The following KRT71 variants were observed in gnomAD, a reference collection of about 807,000 sequenced individuals.
The protein encoded by KRT71 is keratin, type II cytoskeletal 71.
KRT71 carries 42 observed loss-of-function variants against 46.2 expected under a neutral mutation model. The observed-to-expected ratio is 0.91, with a 90% CI of 0.71 to 1.18. KRT71 has a LOEUF of 1.18. Ranked by LOEUF, KRT71 falls within the 50% of genes most tolerant of loss-of-function variation. The pLI is 0.00. For synonymous variants in KRT71, 292 were observed against 277.8 expected (o/e 1.05, Z -0.51); for missense variants, 708 against 677.9 (o/e 1.04, Z -0.49).
chr12:52,546,134 T>C (rs1165729554), intron 7 of KRT71, 152 bp downstream of exon 7: 15 of 816,322 alleles, frequency 1.8e-5, no homozygotes, highest in Admixed American at 1.1e-4. Flanking sequence ...TGTCCACTCA[T>C]GGTAGTATTG....
In KRT71 at chr12:52,550,035, T is replaced by C. The variant is rs144642438; in HGVS notation, c.650A>G (p.Lys217Arg). Reference sequence around the variant, plus strand: ...GGGGACTCCTCCTGCTCACCTCTTCTTGTAGTCCTCCACTACGTCCCGCAC... The same window carrying C: ...GGGGACTCCTCCTGCTCACCTCTTCCTGTAGTCCTCCACTACGTCCCGCAC... ...RNVRDVVEDY[K>R]KRYEEEINKR... Residue 217 changes from lysine to arginine, a missense_variant, in exon 2 of 9, where the codon AAG becomes AGG. Coordinates refer to ENST00000267119, the MANE Select transcript of KRT71 (RefSeq NM_033448.3). 187 of 1,614,110 alleles carry C rather than the reference T, an allele frequency of 1.2e-4. No homozygotes were observed. The highest frequency in any genetic ancestry group is 1.5e-4 in the Non-Finnish European group (175 of 1,179,966).
Position 52,552,623 on chromosome 12 carries a change from C to T in KRT71, c.441+14G>A. 6.2e-7 allele frequency: 1 copy of T among 1,601,726 alleles called. No homozygotes were observed. The highest frequency in any genetic ancestry group is 8.5e-7 in the Non-Finnish European group (1 of 1,174,234). On this transcript the variant is annotated intron_variant, in intron 1 of 8. Coordinates refer to ENST00000267119, the MANE Select transcript of KRT71 (RefSeq NM_033448.3). ...AGGGCTGTTCACAAGTTCCCCAGGC[C>T]CTAGAAGACCCACCTTGTCGATGAA...
rs137989633 is a variant in KRT71 at position 52,544,644 on chromosome 12, A to T, written c.1460T>A (p.Val487Glu). The stretch of plus-strand genomic sequence containing the variant: ...GCCCTCCCCGCCTCTCACGCTGCAC[A>T]CTCCAGAGATGCAGTTGCTGCTGTT... ...VANSSNCISG[V>E]CSVRGGEGRS... is the part of the protein sequence containing the mutation. The change falls in exon 9 of 9, where the codon GTG (valine) becomes GAG (glutamate). Residue 487 changes from valine to glutamate, a missense_variant. Transcript: ENST00000267119. 277 of 1,613,788 alleles carry T rather than the reference A, an allele frequency of 1.7e-4. No homozygotes were observed. Among genetic ancestry groups the T allele is most frequent in the Middle Eastern group, 9.9e-4 (6 of 6,060 alleles).
chr12:52,546,636 T>G (rs913678116), intron 6 of KRT71, 130 bp from the exon 7 acceptor site: 8 of 878,860 alleles, frequency 9.1e-6, no homozygotes, highest in Non-Finnish European at 1.4e-5. Flanking sequence ...CACACTTCCT[T>G]GCAGCAGAGC....
Position 52,548,728 on chromosome 12 carries a change from G to C in KRT71, c.786C>G (p.Ile262Met), listed in dbSNP as rs1939104832. ...CTTCAAAGAGACACCTGAAGAACTT[G>C]ATCTCCTGGTCCATGGATTCCACCT... is the stretch of plus-strand genomic sequence containing the variant. ...QAKVESMDQE[I>M]KFFRCLFEAE... Residue 262 changes from isoleucine to methionine, a missense_variant, in exon 4 of 9, where the codon ATC (isoleucine) becomes ATG (methionine). Transcript: ENST00000267119. 6.2e-7 allele frequency: 1 copy of C among 1,614,044 alleles called. No individual in the cohort carries two copies.
At position 52,548,683 on chromosome 12, in the gene KRT71, G is replaced by A. The variant is rs1939103596; in HGVS notation, c.813+18C>T. ...CACCAGCCTCCCCTAGATGAACCAA[G>A]TGGGCAGACAGACTTACGGCTTCAA... On this transcript the variant is annotated intron_variant, in intron 4 of 8. Coordinates refer to ENST00000267119, the MANE Select transcript of KRT71 (RefSeq NM_033448.3). 6.2e-7 allele frequency: 1 copy of A among 1,609,414 alleles called. No homozygotes were observed. Among genetic ancestry groups the A allele is most frequent in the Non-Finnish European group, 8.5e-7 (1 of 1,175,652 alleles).
Position 52,552,914 on chromosome 12 carries a change from C to T in KRT71, c.164G>A (p.Arg55Gln), listed in dbSNP as rs552558218. Residue 55 changes from arginine (R) to glutamine (Q), a missense_variant, in exon 1 of 9, where the codon CGG becomes CAG. Arg to Gln is a conservative substitution (Grantham distance 43). Coordinates refer to ENST00000267119, the MANE Select transcript of KRT71 (RefSeq NM_033448.3). ...GCTGCCACTGGCCACATTGAGGCTC[C>T]GGACACCCCCCAGGCTGTAGAGGCT... ...SRSLYSLGGV[R>Q]SLNVASGSGK... 42 of 1,614,194 alleles carry T rather than the reference C, an allele frequency of 2.6e-5. No individual in the cohort carries two copies. The highest frequency in any genetic ancestry group is 6.7e-5 in the East Asian group (3 of 44,868).
Position 52,544,832 on chromosome 12 carries a change from A to G in KRT71, c.1361-89T>C. 7.0e-6 allele frequency: 8 copies of G among 1,143,192 alleles called. No homozygotes were observed. The South Asian group carries it at 1.1e-4, about 15-fold the overall frequency. The allele number at this position is 1,143,192 out of a possible 1,614,324, so 70.8% of individuals were successfully genotyped here. A position where few individuals can be genotyped will look rare whatever the true frequency, so the allele number is the denominator to read the frequency against. On this transcript the variant is annotated intron_variant, in intron 8 of 8. Coordinates refer to ENST00000267119, the MANE Select transcript of KRT71 (RefSeq NM_033448.3). ...AGGGCAGACAGGGCTTTTCTTGGAG[A>G]AGCTGAGTGGGGAGGTGCACACCCG... is the stretch of plus-strand genomic sequence containing the variant.
Position 52,546,402 on chromosome 12 carries a change from CT to C in KRT71, c.1208del (p.Gln403ArgfsTer17), listed in dbSNP as rs757049898. On this transcript the variant is annotated frameshift_variant, in exon 7 of 9. Transcript: ENST00000267119. LOFTEE classifies it high-confidence loss of function. ...KLDELEGALH[Q>X]AKEELARMLR... ...GCATCCGCGCCAGCTCCTCCTTGGC[CT>C]GGTGCAGGGCGCCCTCCAGCTCGTC... 6.2e-7 allele frequency: 1 copy of C among 1,614,218 alleles called. No homozygotes were observed. The highest frequency in any genetic ancestry group is 1.1e-5 in the South Asian group (1 of 91,084).
Position 52,552,698 on chromosome 12 carries a change from C to T in KRT71, c.380G>A (p.Arg127His), listed in dbSNP as rs752103266. 3.4e-5 allele frequency: 55 copies of T among 1,613,842 alleles called. No individual in the cohort carries two copies. Among genetic ancestry groups the T allele is most frequent in the Middle Eastern group, 3.3e-4 (2 of 6,084 alleles). The change falls in exon 1 of 9, where the codon CGT becomes CAT. Residue 127 changes from arginine to histidine, a missense_variant. Arg to His is a conservative substitution (Grantham distance 29, BLOSUM62 0). Transcript: ENST00000267119. Reference protein sequence around the residue: ...VELDPEIQKVRAQEREQIKAL... With the variant: ...VELDPEIQKVHAQEREQIKAL... The stretch of plus-strand genomic sequence containing the variant: ...CTTGATCTGCTCTCGCTCCTGGGCA[C>T]GCACTTTCTGGATCTCGGGGTCCAG...
intron 1 of KRT71, among the ~76,000 whole-genome samples, chr12:52,550,741 G>A (rs1939154699): frequency 6.6e-6 from 1 of 152,118 alleles, no homozygotes; most frequent in African/African-American, 2.4e-5. Context: ...TCCCTCCTTG[G>A]TCCTGCTCCC....
Position 52,544,495 on chromosome 12 carries a change from G to C in KRT71, c.*37C>G, listed in dbSNP as rs375778160. The C allele has an allele frequency of 6.4e-7, 1 of 1,565,688 alleles. No homozygotes were observed. The highest frequency in any genetic ancestry group is 8.8e-7 in the Non-Finnish European group (1 of 1,136,188). On this transcript the variant is annotated 3_prime_UTR_variant, in exon 9 of 9. Transcript: ENST00000267119. The stretch of plus-strand genomic sequence containing the variant: ...GAAGTACAGTGTGGGATCCAGAGCC[G>C]GGTCATGGAATGAGGCGGGGCCCGG...
At position 52,545,933 on chromosome 12, in the gene KRT71, C is replaced by G. The variant is rs538376310; in HGVS notation, c.1326-334G>C. Among the ~76,000 whole-genome samples, 10 of 152,180 alleles carry G rather than the reference C, an allele frequency of 6.6e-5. No individual in the cohort carries two copies. The East Asian group carries it at 1.9e-3, about 29-fold the overall frequency. ...CTGGGGTGGCTGCCCCGGCACACCC[C>G]CAACAAGCTGCACATGGACAGATCA... On this transcript the variant is annotated intron_variant, in intron 7 of 8. Coordinates refer to ENST00000267119, the MANE Select transcript of KRT71 (RefSeq NM_033448.3).
intron 1 of KRT71, among the ~76,000 whole-genome samples, chr12:52,552,158 C>T (rs1020712473): frequency 3.3e-5 from 5 of 152,370 alleles, no homozygotes; most frequent in Non-Finnish European, 4.4e-5. Context: ...CCCTCTTCTG[C>T]CTCTCAAGAA....
In KRT71 at chr12:52,544,508, A is replaced by C; in HGVS notation, c.*24T>G. The C allele has an allele frequency of 6.2e-7, 1 of 1,602,092 alleles. No homozygotes were observed. The highest frequency in any genetic ancestry group is 8.6e-7 in the Non-Finnish European group (1 of 1,169,362). On this transcript the variant is annotated 3_prime_UTR_variant, in exon 9 of 9. Coordinates refer to ENST00000267119, the MANE Select transcript of KRT71 (RefSeq NM_033448.3). ...GGATCCAGAGCCGGGTCATGGAATG[A>C]GGCGGGGCCCGGGGCAGTCTTCTCT... is the stretch of plus-strand genomic sequence containing the variant.
chr12:52,545,581 G>A lies in KRT71; in HGVS notation c.1344C>T (p.Pro448=), dbSNP rs908821788. ...SEECRMSGEF[P]SPVSISIISS... ...AATACTTACAGATGCTGACAGGGGA[G>A]GGAAATTCTCCTGACATCCTATTAA... Residue 448 remains proline, a synonymous_variant, in exon 8 of 9, where the codon CCC becomes CCT. Transcript: ENST00000267119. The A allele has an allele frequency of 1.0e-5, 16 of 1,555,832 alleles. No individual in the cohort carries two copies. Among genetic ancestry groups the A allele is most frequent in the Non-Finnish European group, 1.2e-5 (14 of 1,130,784 alleles).
In KRT71 at chr12:52,548,598, G is replaced by T; in HGVS notation, c.813+103C>A. 6 of 1,010,630 alleles carry T rather than the reference G, an allele frequency of 5.9e-6. No homozygotes were observed. In the East Asian group the frequency reaches 1.4e-4, roughly 24 times the overall value. The allele number at this position is 1,010,630 out of a possible 1,614,324, so 62.6% of individuals were successfully genotyped here. ...TGCGGGAGATGGTTGGCTAACTGAG[G>T]GGTCTCACTGAGGGCTGGGGCCTCC... On this transcript the variant is annotated intron_variant, in intron 4 of 8. Transcript: ENST00000267119.
chr12:52,549,267 G>A (rs749866873), intron 3 of KRT71, 26 bp downstream of exon 3: 1 of 1,598,052 alleles, frequency 6.3e-7, no homozygotes, highest in Non-Finnish European at 8.6e-7. Flanking sequence ...CCAGCCCCCG[G>A]GACTCAGGGC....
Position 52,544,431 on chromosome 12 carries a change from G to A in KRT71, c.*101C>T. On this transcript the variant is annotated 3_prime_UTR_variant, in exon 9 of 9. Coordinates refer to ENST00000267119, the MANE Select transcript of KRT71 (RefSeq NM_033448.3). ...GCCAGTGCCAGGTGTATGGGAGCAG[G>A]ACCAGCAGGGTGGAGATGGAGCTGA... The A allele has an allele frequency of 1.8e-6, 2 of 1,092,784 alleles. No individual in the cohort carries two copies. Among genetic ancestry groups the A allele is most frequent in the Non-Finnish European group, 2.8e-6 (2 of 718,138 alleles). 67.7% of individuals were successfully genotyped at this position (1,092,784 alleles called of 1,614,324 possible). A position where few individuals can be genotyped will look rare whatever the true frequency, so the allele number is the denominator to read the frequency against.
Sources: allele counts gnomAD v4.1 joint callset (sites outside exome capture counted in the v4.1 genomes callset), GRCh38; gene constraint gnomAD v4.1.1; transcripts MANE v1.5; gene names NCBI Gene and HGNC (gene_info 2026-07-23, HGNC 2026-07-21).